TDRD3: variants seen among roughly 807,000 people sequenced by gnomAD.
TDRD3 encodes the protein tudor domain containing 3.
TDRD3 carries 45 observed loss-of-function variants against 86.7 expected under a neutral mutation model. The observed-to-expected ratio is 0.52, with a 90% CI of 0.41 to 0.67. The LOEUF (loss-of-function observed/expected upper bound fraction) is 0.67. Ranked by LOEUF, TDRD3 falls within the 30% of genes least tolerant of loss-of-function variation. The probability of loss-of-function intolerance (pLI) is 0.00; values close to 1 mark genes in which losing one functional copy is unlikely to be tolerated. For synonymous variants in TDRD3, 298 were observed against 301.7 expected (o/e 0.99, Z 0.13); for missense variants, 814 against 889.0 (o/e 0.92, Z 1.07).
At chr13:60,452,654 A>G (rs534072622) in intron 3 of TDRD3, among the ~76,000 whole-genome samples, 1 of 152,140 alleles carries the variant, frequency 6.6e-6, no homozygotes, top group South Asian at 2.1e-4. Context: ...TTTATTGGTG[A>G]TTAATATTCC....
At chr13:60,468,189 T>G (rs939664671) in intron 5 of TDRD3, among the ~76,000 whole-genome samples, 11 of 152,192 alleles carry the variant, frequency 7.2e-5, no homozygotes, top group African/African-American at 2.2e-4. Flanking sequence ...ACGTTTAATT[T>G]TCAACTTTCT....
In TDRD3 at chr13:60,528,883, C is replaced by A. The variant is rs1476919877; in HGVS notation, c.1658C>A (p.Thr553Lys). ...PDYFYDRKSQ[T>K]INNEAFSGIK... ...TATTTTTATGACAGGAAATCACAAACAATAAATAATGAAGCTTTCAGTGGT... is the reference window on the plus strand; with the variant it reads ...TATTTTTATGACAGGAAATCACAAAAAATAAATAATGAAGCTTTCAGTGGT... The change falls in exon 11 of 14, where the codon ACA (threonine) becomes AAA (lysine). Residue 553 changes from threonine to lysine, a missense_variant. By Grantham distance (78) the Thr-to-Lys change is moderately conservative. Coordinates refer to ENST00000377881, the MANE Select transcript of TDRD3 (RefSeq NM_001146070.2). 1 of 1,612,182 alleles carries A rather than the reference C, an allele frequency of 6.2e-7. No individual in the cohort carries two copies. Among genetic ancestry groups the A allele is most frequent in the Non-Finnish European group, 8.5e-7 (1 of 1,179,526 alleles).
intron 3 of TDRD3, among the ~76,000 whole-genome samples, chr13:60,450,932 G>C (rs971995235): frequency 3.3e-5 from 5 of 152,064 alleles, no homozygotes; most frequent in African/African-American, 9.7e-5. Flanking sequence ...TAAAATCTTA[G>C]GTTATAGCTC....
chr13:60,549,903 T>C (rs1958010286), intron 12 of TDRD3, among the ~76,000 whole-genome samples: 1 of 151,988 alleles, frequency 6.6e-6, no homozygotes, highest in Non-Finnish European at 1.5e-5. Flanking sequence ...TAAAACAAAA[T>C]CCAAATAGGA....
chr13:60,570,788 C>T (rs1166424928), intron 13 of TDRD3, among the ~76,000 whole-genome samples: 2 of 149,654 alleles, frequency 1.3e-5, no homozygotes, highest in Non-Finnish European at 3.0e-5. Flanking sequence ...ATGAGGGGAA[C>T]TCTTAGTCCC....
intron 13 of TDRD3, among the ~76,000 whole-genome samples, chr13:60,571,830 T>C (rs1958592273): frequency 1.3e-5 from 2 of 152,074 alleles, no homozygotes; most frequent in South Asian, 4.1e-4. Context: ...GAGCAGGAGA[T>C]ACCTAGGAAT....
In TDRD3 at chr13:60,402,733, T is replaced by C. The variant is rs981924406; in HGVS notation, c.41+5328T>C. On this transcript the variant is annotated intron_variant, in intron 1 of 13. Transcript: ENST00000377881. ...TTTTTTTGAGACGGAGTTTCACTCT[T>C]GTTGCCCAGGCTAGAGTGCAATGGC... Among the ~76,000 whole-genome samples the C allele has an allele frequency of 4.7e-5, 7 of 147,790 alleles. No individual in the cohort carries two copies. The East Asian group carries it at 5.9e-4, about 12-fold the overall frequency.
intron 12 of TDRD3, among the ~76,000 whole-genome samples, chr13:60,551,382 G>T (rs1218229364): frequency 6.6e-6 from 1 of 152,178 alleles, no homozygotes; most frequent in African/African-American, 2.4e-5. Context: ...TGGCACACAG[G>T]TTGTTAATTA....
chr13:60,472,346 A>G (rs1013423598), intron 5 of TDRD3, among the ~76,000 whole-genome samples: 1 of 152,204 alleles, frequency 6.6e-6, no homozygotes, highest in Admixed American at 6.5e-5. Context: ...AAAATTTACC[A>G]TCTTAACCAT....
chr13:60,441,500 C>A (rs1421474335), intron 2 of TDRD3, among the ~76,000 whole-genome samples: 1 of 151,948 alleles, frequency 6.6e-6, no homozygotes, highest in Non-Finnish European at 1.5e-5. Context: ...GAAAAAAAAC[C>A]ATTTTGATTA....
chr13:60,528,787 T>C lies in TDRD3; in HGVS notation c.1562T>C (p.Leu521Pro), dbSNP rs200713646. The change falls in exon 11 of 14, where the codon CTT (leucine) becomes CCT (proline). Residue 521 changes from leucine to proline, a missense_variant. Physicochemically the swap from Leu to Pro is moderately conservative, Grantham distance 98 (BLOSUM62 -3). Transcript: ENST00000377881. The part of the protein sequence containing the change: ...PSFAEAKENP[L>P]PQGSVDYNNQ... ...TTTGCAGAGGCAAAAGAAAATCCAC[T>C]TCCTCAAGGATCTGTAGATTATAAT... 18 of 1,613,884 alleles carry C rather than the reference T, an allele frequency of 1.1e-5. No individual in the cohort carries two copies. The highest frequency in any genetic ancestry group is 1.4e-5 in the Non-Finnish European group (17 of 1,179,926).
At chr13:60,571,375 G>T (rs948526667) in intron 13 of TDRD3, among the ~76,000 whole-genome samples, 4 of 152,100 alleles carry the variant, frequency 2.6e-5, no homozygotes, top group Non-Finnish European at 5.9e-5. Context: ...TTCCTGGTTT[G>T]TATTAACTTA....
chr13:60,445,716 C>CAAGAAA (rs1308959072), intron 3 of TDRD3, among the ~76,000 whole-genome samples: 3 of 152,154 alleles, frequency 2.0e-5, no homozygotes, highest in African/African-American at 7.2e-5. Context: ...GAAAAGTAGG[C>CAAGAAA]AACAATCTTG....
chr13:60,486,285 C>T (rs1956433396), intron 7 of TDRD3, among the ~76,000 whole-genome samples: 1 of 151,994 alleles, frequency 6.6e-6, no homozygotes, highest in Non-Finnish European at 1.5e-5. Context: ...GGGCTAGTTG[C>T]CACTTTTTTG....
At chr13:60,558,064 G>C (rs1237003155) in intron 12 of TDRD3, among the ~76,000 whole-genome samples, 7 of 151,956 alleles carry the variant, frequency 4.6e-5, no homozygotes, top group African/African-American at 1.7e-4. Context: ...CTCATGATCT[G>C]CCCACCTCAC....
At chr13:60,443,134 C>T (rs952041605) in intron 2 of TDRD3, among the ~76,000 whole-genome samples, 2 of 151,880 alleles carry the variant, frequency 1.3e-5, no homozygotes, top group Admixed American at 6.6e-5. Context: ...ATGTTTTATA[C>T]TCACTAAAAT....
rs755519612 is a variant in TDRD3, at chr13:60,528,737, A to G, written c.1512A>G (p.Gln504=). Residue 504 remains glutamine, a synonymous_variant, in exon 11 of 14, where the codon CAA becomes CAG. Transcript: ENST00000377881. ...GAFKKRDNSM[Q]SRSGKGPSFA... ...TTAAAAAAAGAGATAACTCTATGCAAAGCAGATCAGGAAAAGGTCCCTCCT... is the reference window on the plus strand; with the variant it reads ...TTAAAAAAAGAGATAACTCTATGCAGAGCAGATCAGGAAAAGGTCCCTCCT... 4 of 1,613,186 alleles carry G rather than the reference A, an allele frequency of 2.5e-6. No homozygotes were observed. The highest frequency in any genetic ancestry group is 1.7e-4 in the Middle Eastern group (1 of 6,050).
At chr13:60,414,128 G>T (rs1232132388) in intron 1 of TDRD3, among the ~76,000 whole-genome samples, 2 of 152,000 alleles carry the variant, frequency 1.3e-5, no homozygotes, top group African/African-American at 4.8e-5. Context: ...TAAATGTGTG[G>T]AACCAGTTGT....
rs1455012956 is a variant in TDRD3, at chr13:60,528,779, A to T, written c.1554A>T (p.Glu518Asp). The change falls in exon 11 of 14, where the codon GAA (glutamate) becomes GAT (aspartate). Residue 518 changes from glutamate (E) to aspartate (D), a missense_variant. Glu to Asp is a conservative substitution (Grantham distance 45). Transcript: ENST00000377881. ...GKGPSFAEAKENPLPQGSVDY... is the reference protein window; with the variant it reads ...GKGPSFAEAKDNPLPQGSVDY... ...GTCCCTCCTTTGCAGAGGCAAAAGA[A>T]AATCCACTTCCTCAAGGATCTGTAG... is the stretch of plus-strand genomic sequence containing the variant. 2 of 1,613,898 alleles carry T rather than the reference A, an allele frequency of 1.2e-6. No homozygotes were observed. Among genetic ancestry groups the T allele is most frequent in the Non-Finnish European group, 1.7e-6 (2 of 1,179,918 alleles).
Sources: gnomAD v4.1 joint callset for allele counts (sites outside exome capture counted in the v4.1 genomes callset) on GRCh38, gnomAD v4.1.1 for gene constraint, MANE v1.5 for transcripts, NCBI Gene and HGNC (gene_info 2026-07-23, HGNC 2026-07-21) for gene names.